The following TRAP1 variants were observed in gnomAD, a reference collection of about 807,000 sequenced individuals.
TRAP1 encodes the protein heat shock protein 75 kDa, mitochondrial.
In TRAP1, 102 loss-of-function variants were observed where a neutral mutation model predicts 89.1. That is an observed-to-expected ratio of 1.15 (90% CI 0.98 to 1.35). The LOEUF (loss-of-function observed/expected upper bound fraction) is 1.35, where lower values mean the gene tolerates loss of function less well. Among genes scored for constraint, TRAP1 ranks in the 40% most tolerant of loss-of-function variants. TRAP1 has a pLI of 0.00. For missense variants in TRAP1, 1,256 were observed against 945.3 expected, an observed-to-expected ratio of 1.33 and a Z score of -4.31; for synonymous variants, 508 against 388.0, an observed-to-expected ratio of 1.31 and a Z score of -3.64.
chr16:3,694,446 C>T (rs531645002), intron 1 of TRAP1, among the ~76,000 whole-genome samples: 152 of 152,066 alleles, frequency 1.0e-3, no homozygotes, highest in Non-Finnish European at 1.8e-3. Context: ...TGGGTTCAGG[C>T]GATTCTCCTG....
intron 9 of TRAP1, among the ~76,000 whole-genome samples, chr16:3,673,899 G>A (rs1433392737): frequency 6.6e-6 from 1 of 152,048 alleles, no homozygotes; most frequent in East Asian, 1.9e-4. Flanking sequence ...TTCCCAGAGC[G>A]CCTGGCAGGA....
At chr16:3,659,778 T>C (rs1389545592) in intron 16 of TRAP1, 3 of 143,202 alleles carry the variant, frequency 2.1e-5, no homozygotes, top group Admixed American at 1.4e-4. Flanking sequence ...GATAGATAGA[T>C]AGACTCTCAC....
chr16:3,660,393 T>A (rs1421162914), intron 16 of TRAP1: 1 of 152,238 alleles, frequency 6.6e-6, no homozygotes, highest in Non-Finnish European at 1.5e-5. Flanking sequence ...TCCCACCACT[T>A]TGGGAGGCCA....
Position 3,667,215 on chromosome 16 carries a change from C to A in TRAP1, c.1236-1097G>T, listed in dbSNP as rs1041571474. 4.6e-5 allele frequency among the ~76,000 whole-genome samples: 7 copies of A among 152,076 alleles called. No individual in the cohort carries two copies. In the East Asian group the frequency reaches 1.3e-3, roughly 29 times the overall value. On this transcript the variant is annotated intron_variant, in intron 11 of 17. Coordinates refer to ENST00000246957, the MANE Select transcript of TRAP1 (RefSeq NM_016292.3). ...AAGGGTGTCCAGGCTGGGGGCGTGA[C>A]CAGCCCACCGTGAAGAGTCAGAGCC...
intron 1 of TRAP1, among the ~76,000 whole-genome samples, chr16:3,703,541 G>A (rs2051397788): frequency 6.6e-6 from 1 of 151,966 alleles, no homozygotes; most frequent in Non-Finnish European, 1.5e-5. Flanking sequence ...ATTCTCATAT[G>A]CCACGCAGAT....
chr16:3,672,306 C>G (rs539174557), intron 10 of TRAP1, among the ~76,000 whole-genome samples: 2 of 152,266 alleles, frequency 1.3e-5, no homozygotes, highest in South Asian at 2.1e-4. Context: ...GCCTGGGTGA[C>G]AGAGCAAGAC....
intron 1 of TRAP1, among the ~76,000 whole-genome samples, chr16:3,702,994 A>G (rs1457552239): frequency 7.1e-6 from 1 of 139,872 alleles, no homozygotes; most frequent in Non-Finnish European, 1.5e-5. Context: ...GTAAGCCAAG[A>G]TGCTGCCATT....
At position 3,663,562 on chromosome 16, in the gene TRAP1, C is replaced by A. The variant is rs1159363709; in HGVS notation, c.1570G>T (p.Val524Phe). 3.7e-6 allele frequency: 6 copies of A among 1,613,654 alleles called. No homozygotes were observed. In the African/African-American group the frequency reaches 6.7e-5, roughly 18 times the overall value. The part of the protein sequence containing the change: ...YEAMKKKDTE[V>F]LFCFEQFDEL... ...TCAAACTGCTCAAAGCAGAAGAGAA[C>A]CTGCAGGTGGCCAAGAGCAGCTCCA... The change falls in exon 14 of 18, where the codon GTT (valine) becomes TTT (phenylalanine). Residue 524 changes from valine (V) to phenylalanine (F), a missense_variant and splice_region_variant. By Grantham distance (50) the Val-to-Phe change is conservative. Coordinates refer to ENST00000246957, the MANE Select transcript of TRAP1 (RefSeq NM_016292.3).
In TRAP1 at chr16:3,674,491, T is replaced by C; in HGVS notation, c.892A>G (p.Ile298Val). 2 of 1,613,850 alleles carry C rather than the reference T, an allele frequency of 1.2e-6. No individual in the cohort carries two copies. The highest frequency in any genetic ancestry group is 1.7e-6 in the Non-Finnish European group (2 of 1,179,960). ...NGRRMNTLQAIWMMDPKDVRE... is the reference protein window; with the variant it reads ...NGRRMNTLQAVWMMDPKDVRE... Reference sequence around the variant, plus strand: ...ACATCCTTGGGGTCCATCATCCAGATGGCCTGGAAACGGAGATCGGCGGGG... The same window carrying C: ...ACATCCTTGGGGTCCATCATCCAGACGGCCTGGAAACGGAGATCGGCGGGG... Residue 298 changes from isoleucine to valine, a missense_variant, in exon 9 of 18, where the codon ATC (isoleucine) becomes GTC (valine). By Grantham distance (29) the Ile-to-Val change is conservative (BLOSUM62 3). Transcript: ENST00000246957.
chr16:3,663,031 C>T, intron 14 of TRAP1, 64 bp from the exon 15 acceptor site: 1 of 1,327,550 alleles, frequency 7.5e-7, no homozygotes, highest in Non-Finnish European at 1.0e-6. Flanking sequence ...TCCATGGGGG[C>T]CACGCAGCAT....
Position 3,679,800 on chromosome 16 carries a change from G to A in TRAP1, c.472-10C>T. 1 of 1,613,938 alleles carries A rather than the reference G, an allele frequency of 6.2e-7. No individual in the cohort carries two copies. The highest frequency in any genetic ancestry group is 8.5e-7 in the Non-Finnish European group (1 of 1,179,956). On this transcript the variant is annotated splice_polypyrimidine_tract_variant and intron_variant, in intron 4 of 17. Coordinates refer to ENST00000246957, the MANE Select transcript of TRAP1 (RefSeq NM_016292.3). ...TCCCGATACCAGTATCCTGAGGAGAGAGACGCACTAAGTGCCAAGCCCCCA... is the reference window on the plus strand; with the variant it reads ...TCCCGATACCAGTATCCTGAGGAGAAAGACGCACTAAGTGCCAAGCCCCCA...
At chr16:3,686,660 G>A (rs902489354) in intron 3 of TRAP1, among the ~76,000 whole-genome samples, 1 of 152,218 alleles carries the variant, frequency 6.6e-6, no homozygotes, top group African/African-American at 2.4e-5. Context: ...GTGTCCATCT[G>A]TTAATTATAA....
intron 3 of TRAP1, among the ~76,000 whole-genome samples, chr16:3,688,228 T>C (rs2051164403): frequency 6.6e-6 from 1 of 152,108 alleles, no homozygotes; most frequent in African/African-American, 2.4e-5. Flanking sequence ...CTCAGACTCC[T>C]GGACTCACAC....
intron 16 of TRAP1, 111 bp from the exon 17 acceptor site, chr16:3,658,976 A>G: frequency 9.4e-7 from 1 of 1,067,598 alleles, no homozygotes; most frequent in Non-Finnish European, 1.4e-6. Flanking sequence ...GACTGTCTGT[A>G]GTTTTTTAAA....
At chr16:3,708,920 A>G (rs1377618308) in intron 1 of TRAP1, among the ~76,000 whole-genome samples, 1 of 149,724 alleles carries the variant, frequency 6.7e-6, no homozygotes, top group East Asian at 2.1e-4. Context: ...GGTTCACGGC[A>G]TTCTCCTGCC....
chr16:3,690,288 G>A (rs1017689241), intron 2 of TRAP1, among the ~76,000 whole-genome samples: 1 of 152,176 alleles, frequency 6.6e-6, no homozygotes, highest in African/African-American at 2.4e-5. Flanking sequence ...TTACAAGTGT[G>A]AGCCACTGTG....
rs371791148 is a variant in TRAP1, at chr16:3,690,878, C to G, written c.196G>C (p.Asp66His). ...GRLFSTQTAE[D>H]KEEPLHSIIS... Reference sequence around the variant, plus strand: ...ATCGAGTGCAGGGGTTCCTCCTTGTCCTCGGCGGTCTGCGTGCTGAACAGT... The same window carrying G: ...ATCGAGTGCAGGGGTTCCTCCTTGTGCTCGGCGGTCTGCGTGCTGAACAGT... Residue 66 changes from aspartate (D) to histidine (H), a missense_variant, in exon 2 of 18, where the codon GAC (aspartate) becomes CAC (histidine). Asp to His is a moderately conservative substitution (Grantham distance 81). Coordinates refer to ENST00000246957, the MANE Select transcript of TRAP1 (RefSeq NM_016292.3). 7 of 1,586,882 alleles carry G rather than the reference C, an allele frequency of 4.4e-6. No homozygotes were observed. Among genetic ancestry groups the G allele is most frequent in the Non-Finnish European group, 6.0e-6 (7 of 1,166,894 alleles).
intron 1 of TRAP1, chr16:3,704,332 ACT>A (rs1485855676): frequency 2.6e-5 from 4 of 152,304 alleles, no homozygotes; most frequent in East Asian, 1.9e-4. Flanking sequence ...CGACAGCACG[ACT>A]CTGTCTCAAA....
chr16:3,716,297 T>G (rs1322505906), intron 1 of TRAP1, among the ~76,000 whole-genome samples: 2 of 152,236 alleles, frequency 1.3e-5, no homozygotes, highest in Non-Finnish European at 2.9e-5. Context: ...CAGTATCTGC[T>G]AACATTTCAA....
Sources: gnomAD v4.1 joint callset for allele counts (sites outside exome capture counted in the v4.1 genomes callset) on GRCh38, gnomAD v4.1.1 for gene constraint, MANE v1.5 for transcripts, NCBI Gene and HGNC (gene_info 2026-07-23, HGNC 2026-07-21) for gene names.